The following LIG1 variants were observed in gnomAD, a reference collection of about 807,000 sequenced individuals.
LIG1 encodes ligase I, DNA, ATP-dependent.
Under a neutral mutation model 115.7 loss-of-function variants are expected in LIG1, and 70 were observed. The ratio of observed to expected loss-of-function variants is 0.60; its 90% CI spans 0.50 to 0.74. The LOEUF (loss-of-function observed/expected upper bound fraction) is 0.74, where lower values mean the gene tolerates loss of function less well. Among genes scored for constraint, LIG1 ranks in the 30% least tolerant of loss-of-function variants. The probability of loss-of-function intolerance (pLI) is 0.00; values close to 1 mark genes in which losing one functional copy is unlikely to be tolerated. For missense variants in LIG1, 1,115 were observed against 1,225.6 expected (o/e 0.91, Z 1.35); for synonymous variants, 487 against 495.3 (o/e 0.98, Z 0.22).
rs1288502852 is a variant in LIG1 at position 48,127,996 on chromosome 19, A to C, written c.1846T>G (p.Phe616Val). Residue 616 changes from phenylalanine to valine, a missense_variant, in exon 20 of 28, where the codon TTC (phenylalanine) becomes GTC (valine). Physicochemically the swap from Phe to Val is conservative, Grantham distance 50 (BLOSUM62 -1). Coordinates refer to ENST00000263274, the MANE Select transcript of LIG1 (RefSeq NM_000234.3). ...GCCACGGCTTCGGTGTCCAGGATGAAGGATGTGACCGATGGGAGTTTAATC... is the reference window on the plus strand; with the variant it reads ...GCCACGGCTTCGGTGTCCAGGATGACGGATGTGACCGATGGGAGTTTAATC... The part of the protein sequence containing the change: ...PKIKLPSVTS[F>V]ILDTEAVAWD... 6.2e-7 allele frequency: 1 copy of C among 1,614,150 alleles called. No individual in the cohort carries two copies. Among genetic ancestry groups the C allele is most frequent in the Non-Finnish European group, 8.5e-7 (1 of 1,179,998 alleles).
At chr19:48,148,932 G>A (rs911713352) in intron 9 of LIG1, among the ~76,000 whole-genome samples, 4 of 152,336 alleles carry the variant, frequency 2.6e-5, no homozygotes, top group East Asian at 3.9e-4. Flanking sequence ...CTCGTGGGCC[G>A]CCCAGGGCTG....
At chr19:48,161,325 G>C (rs2036163699) in intron 4 of LIG1, 47 bp downstream of exon 4, 4 of 1,613,078 alleles carry the variant, frequency 2.5e-6, no homozygotes, top group Non-Finnish European at 2.5e-6. Context: ...AAGGTTAATG[G>C]GAATTAGTTT....
intron 7 of LIG1, 98 bp from the exon 8 acceptor site, chr19:48,150,308 G>A: frequency 1.3e-6 from 2 of 1,556,192 alleles, no homozygotes; most frequent in Admixed American, 1.7e-5. Context: ...CCCTGCAGAT[G>A]GAAGATATAA....
In LIG1 at chr19:48,150,155, T is replaced by C; in HGVS notation, c.630A>G (p.Glu210=). 1 of 1,614,188 alleles carries C rather than the reference T, an allele frequency of 6.2e-7. No homozygotes were observed. The highest frequency in any genetic ancestry group is 8.5e-7 in the Non-Finnish European group (1 of 1,180,030). ...TGGTCTGCTCTTCCTCCTCCTGCAGTTCCTGCTTCGTGGCCACCTCAGGCT... is the reference window on the plus strand; with the variant it reads ...TGGTCTGCTCTTCCTCCTCCTGCAGCTCCTGCTTCGTGGCCACCTCAGGCT... The part of the protein sequence containing the change: ...VSEPEVATKQ[E]LQEEEEQTKP... Residue 210 remains glutamate, a synonymous_variant, in exon 8 of 28, where the codon GAA becomes GAG. Coordinates refer to ENST00000263274, the MANE Select transcript of LIG1 (RefSeq NM_000234.3).
chr19:48,169,965 A>G, intron 1 of LIG1: 1 of 197,928 alleles, frequency 5.1e-6, no homozygotes, highest in Non-Finnish European at 9.8e-6. Flanking sequence ...TTTCCAGGTG[A>G]ACTCGCACCT....
At chr19:48,130,458 G>T (rs1283028120) in intron 19 of LIG1, among the ~76,000 whole-genome samples, 4 of 152,236 alleles carry the variant, frequency 2.6e-5, no homozygotes, top group African/African-American at 9.6e-5. Flanking sequence ...GTGAGGCCCA[G>T]CCCTGTATGA....
chr19:48,139,930 GC>G lies in LIG1; in HGVS notation c.1087+40del, dbSNP rs760689363. 5.6e-6 allele frequency: 9 copies of G among 1,606,962 alleles called. No homozygotes were observed. The Admixed American group carries it at 1.5e-4, about 27-fold the overall frequency. ...TGACCTCTGCATTTTCTCTGGCTGA[GC>G]TCCTGTCCTTCTGGTCCCTCCAACC... On this transcript the variant is annotated intron_variant, in intron 12 of 27. Transcript: ENST00000263274.
intron 18 of LIG1, 73 bp downstream of exon 18, chr19:48,132,909 G>C: frequency 9.0e-7 from 1 of 1,109,672 alleles, no homozygotes; most frequent in Non-Finnish European, 1.4e-6. Flanking sequence ...TGAAGCTCAG[G>C]CCTCAGTGAC....
At chr19:48,141,295 A>AT (rs1311116296) in intron 11 of LIG1, among the ~76,000 whole-genome samples, 4 of 151,646 alleles carry the variant, frequency 2.6e-5, no homozygotes, top group Admixed American at 6.6e-5. Flanking sequence ...ATGCCCGGCT[A>AT]ATTTTTTTTA....
chr19:48,149,631 T>C, intron 9 of LIG1, 132 bp downstream of exon 9: 1 of 737,882 alleles, frequency 1.4e-6, no homozygotes, highest in Non-Finnish European at 2.4e-6. Flanking sequence ...AAATATTTAC[T>C]CTCTGGCTCT....
intron 24 of LIG1, chr19:48,120,205 C>T (rs899171645): frequency 1.0e-4 from 100 of 985,350 alleles, no homozygotes; most frequent in Non-Finnish European, 1.2e-4. Flanking sequence ...CCCACACAGC[C>T]ACGGGGAGCT....
rs768815968 is a variant in LIG1, at chr19:48,162,370, G to GT, written c.18-20_18-19insA. 1.0e-4 allele frequency: 159 copies of GT among 1,591,628 alleles called. 2 individuals carry two copies. The South Asian group carries it at 1.7e-3, about 17-fold the overall frequency. On this transcript the variant is annotated intron_variant, in intron 2 of 27. Transcript: ENST00000263274. ...AAATGACCTAGAGGAGCATAAAAGG[G>GT]GGTAAAAAAAGGAGAATAACAGCAC...
intron 9 of LIG1, among the ~76,000 whole-genome samples, chr19:48,148,398 C>T (rs530337243): frequency 1.3e-4 from 19 of 150,976 alleles, no homozygotes; most frequent in African/African-American, 4.6e-4. Flanking sequence ...TCGCTTGAAC[C>T]TGGGAAGTTG....
Position 48,155,025 on chromosome 19 carries a change from A to G in LIG1, c.371-1058T>C, listed in dbSNP as rs3730885. 5.5e-3 allele frequency among the ~76,000 whole-genome samples: 842 copies of G among 152,264 alleles called. 9 individuals are homozygous for G. The highest frequency in any genetic ancestry group is 0.019 in the African/African-American group (787 of 41,546). On this transcript the variant is annotated intron_variant, in intron 5 of 27. Coordinates refer to ENST00000263274, the MANE Select transcript of LIG1 (RefSeq NM_000234.3). ...AAGCTGTGTCACCCCTCCAGGCCTC[A>G]GCATGTGAGGTTTGGGACATAGCTC...
In LIG1 at chr19:48,127,100, A is replaced by G. The variant is rs554876922; in HGVS notation, c.2004+177T>C. The G allele has an allele frequency of 2.3e-3, 1,429 of 625,834 alleles. 4 individuals are homozygous for G. Among genetic ancestry groups the G allele is most frequent in the Non-Finnish European group, 3.6e-3 (1,233 of 346,256 alleles). 38.8% of individuals were successfully genotyped at this position (625,834 alleles called of 1,614,324 possible). Reference sequence around the variant, plus strand: ...GAGGGACCTTGAAGATGTCCTTGAAAGAATCTTAAGGAACCTCAGGGGTCC... The same window carrying G: ...GAGGGACCTTGAAGATGTCCTTGAAGGAATCTTAAGGAACCTCAGGGGTCC... On this transcript the variant is annotated intron_variant, in intron 21 of 27. Transcript: ENST00000263274.
chr19:48,131,313 T>C (rs980731448), intron 18 of LIG1, 142 bp from the exon 19 acceptor site: 3 of 669,150 alleles, frequency 4.5e-6, no homozygotes, highest in Non-Finnish European at 8.2e-6. Flanking sequence ...GCGAATCATC[T>C]CCTCAGTTCC....
intron 6 of LIG1, among the ~76,000 whole-genome samples, chr19:48,153,637 AACACACACACACACACAC>A (rs36171813): frequency 6.0e-4 from 35 of 58,788 alleles, no homozygotes; most frequent in South Asian, 4.1e-3. Context: ...GCAGATCCAA[AACACACACACACACACAC>A]ACACACACAC....
Position 48,137,768 on chromosome 19 carries a change from AT to A in LIG1, c.1088-81del. 1 of 1,540,248 alleles carries A rather than the reference AT, an allele frequency of 6.5e-7. No individual in the cohort carries two copies. The highest frequency in any genetic ancestry group is 8.8e-7 in the Non-Finnish European group (1 of 1,137,688). ...CTCCCTTCTCTCGCGGCCTGGATGA[AT>A]TTTCTCCAGCTGTGTGTGCTTGTGG... is the stretch of plus-strand genomic sequence containing the variant. On this transcript the variant is annotated intron_variant, in intron 12 of 27. Coordinates refer to ENST00000263274, the MANE Select transcript of LIG1 (RefSeq NM_000234.3). This position sits in a 1 kb window ranked among gnomAD's most constrained non-coding sequence, Gnocchi z 4.3.
At chr19:48,142,534 A>G (rs1233905403) in intron 11 of LIG1, among the ~76,000 whole-genome samples, 1 of 151,980 alleles carries the variant, frequency 6.6e-6, no homozygotes, top group Admixed American at 6.6e-5. Flanking sequence ...GTGAGAACGA[A>G]GGGACACTAC....
Sources: gnomAD v4.1 joint callset for allele counts (sites outside exome capture counted in the v4.1 genomes callset) on GRCh38, gnomAD v4.1.1 for gene constraint, Gnocchi (gnomAD v3.1) non-coding constraint, MANE v1.5 for transcripts, NCBI Gene and HGNC (gene_info 2026-07-23, HGNC 2026-07-21) for gene names.